The following SORBS3 variants were observed in gnomAD, a reference collection of about 807,000 sequenced individuals.
SORBS3 encodes the protein vinexin.
Under a neutral mutation model 98.0 loss-of-function variants are expected in SORBS3, and 69 were observed. That is an observed-to-expected ratio of 0.70 (90% CI 0.58 to 0.86). SORBS3 has a LOEUF of 0.86. SORBS3 is among the 40% of genes least tolerant of loss of function. SORBS3 has a pLI of 0.00. For synonymous variants in SORBS3, 394 were observed against 355.4 expected, an observed-to-expected ratio of 1.11 and a Z score of -1.22; for missense variants, 954 against 908.5, an observed-to-expected ratio of 1.05 and a Z score of -0.64.
intron 5 of SORBS3, among the ~76,000 whole-genome samples, chr8:22,559,433 G>A (rs1840248738): frequency 6.6e-6 from 1 of 152,210 alleles, no homozygotes; most frequent in Non-Finnish European, 1.5e-5. Flanking sequence ...GGGCGCGGTG[G>A]CTCACGCCTG....
In SORBS3 at chr8:22,552,046, G is replaced by C. The variant is rs962197650; in HGVS notation, c.-56+24G>C. On this transcript the variant is annotated intron_variant, in intron 1 of 20. Transcript: ENST00000240123. ...AGGTAGGTCCGGGCAAGGAGGGGCG[G>C]GGAGTAGGCGAGGCCGGCGGGAGGG... The C allele has an allele frequency of 9.1e-6, 9 of 985,222 alleles. No individual in the cohort carries two copies. The African/African-American group carries it at 1.6e-4, about 17-fold the overall frequency. The allele number at this position is 985,222 out of a possible 1,614,324, so 61.0% of individuals were successfully genotyped here.
intron 1 of SORBS3, chr8:22,545,550 C>T (rs2117177102): frequency 6.6e-6 from 1 of 152,464 alleles, no homozygotes; most frequent in South Asian, 2.1e-4. Context: ...CCTCACGCCC[C>T]TGCCACCTTG....
chr8:22,566,610 C>A (rs1840428423), intron 13 of SORBS3, 51 bp from the exon 14 acceptor site: 1 of 1,581,082 alleles, frequency 6.3e-7, no homozygotes, highest in Non-Finnish European at 8.6e-7. Context: ...GGGGGTGCAA[C>A]CCCATCCCCC....
chr8:22,565,669 G>A, intron 11 of SORBS3, 157 bp from the exon 12 acceptor site: 1 of 1,201,368 alleles, frequency 8.3e-7, no homozygotes. Context: ...CCTAGTTCCC[G>A]CCCCGCTCCC....
chr8:22,564,895 G>T, intron 10 of SORBS3: 1 of 1,271,312 alleles, frequency 7.9e-7, no homozygotes, highest in African/African-American at 1.5e-5. Flanking sequence ...GGTCCCTGGG[G>T]TGGCGGGGGA....
intron 10 of SORBS3, chr8:22,564,862 A>G (rs1352402151): frequency 9.4e-6 from 11 of 1,175,046 alleles, no homozygotes; most frequent in Non-Finnish European, 1.1e-5. Context: ...GCTGGCAGGA[A>G]GCAGCGTGGG....
intron 1 of SORBS3, among the ~76,000 whole-genome samples, chr8:22,553,232 C>T (rs1840118931): frequency 1.3e-5 from 2 of 152,154 alleles, no homozygotes; most frequent in Admixed American, 1.3e-4. Flanking sequence ...CGGTGGTCCC[C>T]CCAGAAGTCA....
chr8:22,566,883 C>G lies in SORBS3; in HGVS notation c.1190+15C>G. 2 of 1,604,818 alleles carry G rather than the reference C, an allele frequency of 1.2e-6. No individual in the cohort carries two copies. The highest frequency in any genetic ancestry group is 4.5e-5 in the East Asian group (2 of 44,274). ...CAGTCCCCCAAGTAAGCGCCCTCCTCCCCCTCCCCTTCCACCCAAGGCAAT... is the reference window on the plus strand; with the variant it reads ...CAGTCCCCCAAGTAAGCGCCCTCCTGCCCCTCCCCTTCCACCCAAGGCAAT... On this transcript the variant is annotated intron_variant, in intron 15 of 20. Transcript: ENST00000240123.
chr8:22,575,065 CAG>C lies in SORBS3; in HGVS notation c.*338_*339del, dbSNP rs1213845053. On this transcript the variant is annotated 3_prime_UTR_variant, in exon 21 of 21. Transcript: ENST00000240123. ...CATCCTGCTCCAGCGTTTCCTCTAA[CAG>C]GGACCAGCTCTCCGCTTTGCCCCCA... 1 of 475,190 alleles carries C rather than the reference CAG, an allele frequency of 2.1e-6. No homozygotes were observed. The highest frequency in any genetic ancestry group is 4.1e-6 in the Non-Finnish European group (1 of 245,468). The allele number at this position is 475,190 out of a possible 1,614,324, so 29.4% of individuals were successfully genotyped here.
intron 19 of SORBS3, 127 bp downstream of exon 19, chr8:22,571,948 C>G: frequency 1.5e-6 from 1 of 687,610 alleles, no homozygotes; most frequent in Non-Finnish European, 2.6e-6. Context: ...AGCCCTTGTC[C>G]TCGAAGAGCT....
intron 8 of SORBS3, 72 bp from the exon 9 acceptor site, chr8:22,564,211 G>T: frequency 6.6e-7 from 1 of 1,506,618 alleles, no homozygotes; most frequent in Non-Finnish European, 9.1e-7. Context: ...GGGCCTGCAA[G>T]CCTGCATTTT....
chr8:22,561,518 G>A (rs1383235433), intron 6 of SORBS3, 145 bp downstream of exon 6: 2 of 846,774 alleles, frequency 2.4e-6, no homozygotes, highest in Non-Finnish European at 3.8e-6. Context: ...CTCATTTCCA[G>A]AGCACTTCAA....
At chr8:22,569,346 G>GT (rs368074514) in intron 17 of SORBS3, 73 bp downstream of exon 17, 61,079 of 1,070,980 alleles carry the variant, frequency 0.057, no homozygotes, top group East Asian at 0.096. Flanking sequence ...ACTAAAAACA[G>GT]TTTTTTTTTT....
intron 4 of SORBS3, 79 bp from the exon 5 acceptor site, chr8:22,558,050 A>C: frequency 7.0e-7 from 1 of 1,423,098 alleles, no homozygotes. Flanking sequence ...GAAGGGACTC[A>C]CTAGGGAAAG....
chr8:22,566,736 G>T, intron 14 of SORBS3, 23 bp downstream of exon 14: 1 of 1,613,470 alleles, frequency 6.2e-7, no homozygotes, highest in Non-Finnish European at 8.5e-7. Context: ...CCAGGTGTGG[G>T]GGACCTGGAG....
Position 22,570,904 on chromosome 8 carries a change from C to G in SORBS3, c.1432-6C>G, listed in dbSNP as rs375815200. 1.1e-5 allele frequency: 17 copies of G among 1,585,134 alleles called. No individual in the cohort carries two copies. Among genetic ancestry groups the G allele is most frequent in the Non-Finnish European group, 1.4e-5 (16 of 1,162,206 alleles). ...GCCCCACAGACACTGACTTTTCCCC[C>G]CTCAGGGAGAGCACATCTGCCTGAT... On this transcript the variant is annotated splice_region_variant and splice_polypyrimidine_tract_variant and intron_variant, in intron 17 of 20. Transcript: ENST00000240123.
chr8:22,558,925 C>T (rs899498275), intron 5 of SORBS3, among the ~76,000 whole-genome samples: 8 of 152,266 alleles, frequency 5.3e-5, no homozygotes, highest in African/African-American at 7.2e-5. Flanking sequence ...ATGTTCTGGA[C>T]GGGCAAGGAG....
chr8:22,556,835 GGGACAAGCGCT>G lies in SORBS3; in HGVS notation c.344_354del (p.Asp115GlyfsTer23). On this transcript the variant is annotated frameshift_variant, in exon 4 of 21. Coordinates refer to ENST00000240123, the MANE Select transcript of SORBS3 (RefSeq NM_005775.5). LOFTEE classifies it high-confidence loss of function. The stretch of plus-strand genomic sequence containing the variant: ...ACGTGGACCAAGGACAGCAAGCGTC[GGGACAAGCGCT>G]GGGTCAAGTACGAGGGAATCGGGCC... 1.2e-6 allele frequency: 2 copies of G among 1,613,642 alleles called. No homozygotes were observed. Among genetic ancestry groups the G allele is most frequent in the Non-Finnish European group, 1.7e-6 (2 of 1,180,036 alleles).
chr8:22,565,400 G>C (rs1434671475), intron 11 of SORBS3, 46 bp downstream of exon 11: 4 of 1,468,536 alleles, frequency 2.7e-6, no homozygotes, highest in East Asian at 2.8e-5. Context: ...GGCGACCGCA[G>C]GGTCGGGGCG....
Sources: gnomAD v4.1 joint callset for allele counts (sites outside exome capture counted in the v4.1 genomes callset) on GRCh38, gnomAD v4.1.1 for gene constraint, MANE v1.5 for transcripts, NCBI Gene and HGNC (gene_info 2026-07-23, HGNC 2026-07-21) for gene names.